The following CDH9 variants were observed in gnomAD, a reference collection of about 807,000 sequenced individuals.
CDH9 encodes cadherin-9.
In CDH9, 28 loss-of-function variants were observed where a neutral mutation model predicts 70.9. The observed-to-expected ratio is 0.40, with a 90% confidence interval of 0.29 to 0.54. The LOEUF is 0.54. Ranked by LOEUF, CDH9 falls within the 20% of genes least tolerant of loss-of-function variation. The pLI, the probability that CDH9 is intolerant of heterozygous loss-of-function variation, is 0.59. For missense variants in CDH9, 874 were observed against 984.4 expected (o/e 0.89, Z 1.50); for synonymous variants, 409 against 343.1 (o/e 1.19, Z -2.12).
At chr5:27,032,424 T>G (rs1743324010) in intron 1 of CDH9, among the ~76,000 whole-genome samples, 1 of 151,702 alleles carries the variant, frequency 6.6e-6, no homozygotes, top group Admixed American at 6.6e-5. Context: ...AATTATGTAT[T>G]GTCAGAATCT....
intron 7 of CDH9, among the ~76,000 whole-genome samples, chr5:26,893,595 C>T (rs1023409611): frequency 6.6e-6 from 1 of 151,968 alleles, no homozygotes; most frequent in Non-Finnish European, 1.5e-5. Context: ...GCCTATATTT[C>T]TTGGGTGGGA....
intron 7 of CDH9, among the ~76,000 whole-genome samples, chr5:26,899,920 GT>G (rs200764912): frequency 6.6e-6 from 1 of 150,846 alleles, no homozygotes; most frequent in South Asian, 2.1e-4. Flanking sequence ...CCAGAAGTTA[GT>G]TTTTTTTGAG....
At chr5:26,937,801 T>C (rs1176854598) in intron 2 of CDH9, among the ~76,000 whole-genome samples, 4 of 152,034 alleles carry the variant, frequency 2.6e-5, no homozygotes, top group African/African-American at 9.7e-5. Context: ...TGTTCAGTGA[T>C]TGCCAGGACC....
Position 26,881,468 on chromosome 5 carries a change from G to A in CDH9, c.2038C>T (p.Pro680Ser), listed in dbSNP as rs1462830927. 5.0e-6 allele frequency: 8 copies of A among 1,613,498 alleles called. No individual in the cohort carries two copies. Among genetic ancestry groups the A allele is most frequent in the Non-Finnish European group, 5.9e-6 (7 of 1,179,748 alleles). ...QAFDIGTLRN[P>S]EAREDSKLRR... is the part of the protein sequence containing the mutation. ...AGTTTACTGTCTTCTCTTGCCTCTGGATTCCTTAATGTGCCAATGTCAAAA... is the reference window on the plus strand; with the variant it reads ...AGTTTACTGTCTTCTCTTGCCTCTGAATTCCTTAATGTGCCAATGTCAAAA... The change falls in exon 12 of 12, where the codon CCA (proline) becomes TCA (serine). Residue 680 changes from proline to serine, a missense_variant. Transcript: ENST00000231021.
At chr5:26,964,910 C>A (rs1242366355) in intron 2 of CDH9, among the ~76,000 whole-genome samples, 8 of 151,488 alleles carry the variant, frequency 5.3e-5, no homozygotes, top group East Asian at 1.9e-4. Context: ...ATGAATCTAA[C>A]ACCTTTTCTA....
At chr5:27,025,714 C>G (rs778687255) in intron 1 of CDH9, among the ~76,000 whole-genome samples, 2 of 152,002 alleles carry the variant, frequency 1.3e-5, no homozygotes, top group African/African-American at 2.4e-5. Context: ...TAGGGAAGGA[C>G]TTGACCTTTG....
At chr5:26,896,537 A>T (rs1383157692) in intron 7 of CDH9, among the ~76,000 whole-genome samples, 1 of 136,120 alleles carries the variant, frequency 7.3e-6, no homozygotes, top group East Asian at 2.5e-4. Flanking sequence ...TCATTTCATT[A>T]TACAATAGAA....
At chr5:26,996,158 C>T (rs1445021714) in intron 1 of CDH9, among the ~76,000 whole-genome samples, 2 of 151,846 alleles carry the variant, frequency 1.3e-5, no homozygotes, top group Non-Finnish European at 2.9e-5. Flanking sequence ...TTATTCTAAT[C>T]TTTTTCTTCA....
intron 1 of CDH9, among the ~76,000 whole-genome samples, chr5:27,008,195 A>G (rs1194010009): frequency 1.3e-5 from 2 of 152,104 alleles, no homozygotes; most frequent in Admixed American, 6.6e-5. Flanking sequence ...TAAGTTGACT[A>G]AATAAAACTA....
chr5:26,991,219 G>C (rs1447655684), intron 1 of CDH9, among the ~76,000 whole-genome samples: 1 of 152,114 alleles, frequency 6.6e-6, no homozygotes, highest in Non-Finnish European at 1.5e-5. Context: ...CTGAAACGCT[G>C]CTCAGATTCC....
At position 26,903,820 on chromosome 5, in the gene CDH9, C is replaced by T. The variant is rs148245561; in HGVS notation, c.816G>A (p.Thr272=). The part of the protein sequence containing the change: ...NNNPPRFPQS[T]YQFNSPESVP... Reference sequence around the variant, plus strand: ...CAGACTCAGGAGAATTAAATTGATACGTACCTATAAATTAAGTAAGAGCTG... The same window carrying T: ...CAGACTCAGGAGAATTAAATTGATATGTACCTATAAATTAAGTAAGAGCTG... The change falls in exon 6 of 12, where the codon ACG becomes ACA. Residue 272 remains threonine (T), a synonymous_variant. Transcript: ENST00000231021. The T allele has an allele frequency of 4.3e-4, 655 of 1,519,330 alleles. 3 individuals are homozygous for T. In the African/African-American group the frequency reaches 6.5e-3, roughly 15 times the overall value. 94.1% of individuals were successfully genotyped at this position (1,519,330 alleles called of 1,614,324 possible). A position where few individuals can be genotyped will look rare whatever the true frequency, so the allele number is the denominator to read the frequency against.
rs1359461063 is a variant in CDH9 at position 26,906,086 on chromosome 5, A to G, written c.684T>C (p.Asn228=). 2 of 1,613,502 alleles carry G rather than the reference A, an allele frequency of 1.2e-6. No homozygotes were observed. Among genetic ancestry groups the G allele is most frequent in the Admixed American group, 1.7e-5 (1 of 59,958 alleles). Residue 228 remains asparagine (N), a synonymous_variant, in exon 5 of 12, where the codon AAT becomes AAC. Coordinates refer to ENST00000231021, the MANE Select transcript of CDH9 (RefSeq NM_016279.4). ...GTATAACAACCTGGTACTGCTCTCTATTTTCTCTGCTCATGTCTGGTAATG... is the reference window on the plus strand; with the variant it reads ...GTATAACAACCTGGTACTGCTCTCTGTTTTCTCTGCTCATGTCTGGTAATG... ...KTALPDMSRE[N]REQYQVVIQA...
At chr5:26,974,494 G>T (rs780312504) in intron 2 of CDH9, among the ~76,000 whole-genome samples, 42 of 152,242 alleles carry the variant, frequency 2.8e-4, no homozygotes, top group South Asian at 4.1e-4. Context: ...TGTGCTCAAA[G>T]AACCTAGATT....
chr5:27,008,531 G>A (rs1742905995), intron 1 of CDH9, among the ~76,000 whole-genome samples: 1 of 151,372 alleles, frequency 6.6e-6, no homozygotes, highest in African/African-American at 2.4e-5. Context: ...TAAGAAATAA[G>A]TACATCTATA....
In CDH9 at chr5:26,924,034, G is replaced by A. The variant is rs533787690; in HGVS notation, c.229-8110C>T. On this transcript the variant is annotated intron_variant, in intron 2 of 11. Coordinates refer to ENST00000231021, the MANE Select transcript of CDH9 (RefSeq NM_016279.4). ...CAAGCCCAAAGTTAGTAAAACAAAA[G>A]AAATAATAAAGATCAGAACAGAAAT... 1.2e-3 allele frequency among the ~76,000 whole-genome samples: 183 copies of A among 151,568 alleles called. 1 individual carries two copies. The highest frequency in any genetic ancestry group is 1.7e-3 in the Non-Finnish European group (116 of 67,786).
intron 2 of CDH9, among the ~76,000 whole-genome samples, chr5:26,985,362 G>T (rs535011878): frequency 1.1e-4 from 17 of 152,096 alleles, no homozygotes; most frequent in African/African-American, 4.1e-4. Context: ...AACCCAACAA[G>T]AATCTGAGGG....
chr5:26,885,521 C>T (rs1026591410), intron 11 of CDH9, 93 bp downstream of exon 11: 21 of 1,015,248 alleles, frequency 2.1e-5, no homozygotes, highest in Non-Finnish European at 2.7e-5. Flanking sequence ...CTATCTTTAT[C>T]TATAGAGAAA....
chr5:26,994,558 TG>T (rs1470845601), intron 1 of CDH9, among the ~76,000 whole-genome samples: 1 of 151,966 alleles, frequency 6.6e-6, no homozygotes, highest in Non-Finnish European at 1.5e-5. Context: ...TTTGTTTGTT[TG>T]TTTGTTTTGT....
At chr5:27,020,430 ATACT>A (rs1370051473) in intron 1 of CDH9, among the ~76,000 whole-genome samples, 1 of 151,636 alleles carries the variant, frequency 6.6e-6, no homozygotes, top group African/African-American at 2.4e-5. Flanking sequence ...TTAAAATACT[ATACT>A]TAATTACTGC....
Sources: allele counts gnomAD v4.1 joint callset (sites outside exome capture counted in the v4.1 genomes callset), GRCh38; gene constraint gnomAD v4.1.1; transcripts MANE v1.5; gene names NCBI Gene and HGNC (gene_info 2026-07-23, HGNC 2026-07-21).